Variants in ACVR1 observed in about 807,000 individuals in gnomAD.
ACVR1 encodes activin receptor type-1.
In ACVR1, 38 loss-of-function variants were observed where a neutral mutation model predicts 57.1. That is an observed-to-expected ratio of 0.67 (90% CI 0.51 to 0.87). The LOEUF (loss-of-function observed/expected upper bound fraction) is 0.87. Among genes scored for constraint, ACVR1 ranks in the 40% least tolerant of loss-of-function variants. The pLI is 0.00. For missense variants in ACVR1, 463 were observed against 638.2 expected, an observed-to-expected ratio of 0.73 and a Z score of 2.96; for synonymous variants, 212 against 228.1, an observed-to-expected ratio of 0.93 and a Z score of 0.63.
chr2:157,760,110 G>A (rs940435806), intron 9 of ACVR1, among the ~76,000 whole-genome samples: 2 of 152,100 alleles, frequency 1.3e-5, no homozygotes, highest in Admixed American at 1.3e-4. Context: ...AATCAAGCAA[G>A]ACAAAGAAAT....
chr2:157,778,467 T>A, intron 4 of ACVR1, 125 bp from the exon 5 acceptor site: 2 of 763,892 alleles, frequency 2.6e-6, no homozygotes, highest in Non-Finnish European at 4.4e-6. Context: ...CACGAAGTAT[T>A]AAAACTAAAA....
intron 3 of ACVR1, among the ~76,000 whole-genome samples, chr2:157,784,643 G>C (rs775280868): frequency 7.9e-5 from 12 of 152,172 alleles, no homozygotes; most frequent in Admixed American, 2.6e-4. Context: ...GGCTGGCTGG[G>C]AACAGCAGGG....
intron 2 of ACVR1, among the ~76,000 whole-genome samples, chr2:157,807,800 C>T (rs1238749253): frequency 7.6e-6 from 1 of 131,240 alleles, no homozygotes; most frequent in African/African-American, 3.0e-5. Context: ...AAGCACTGCT[C>T]ATCTGACACA....
chr2:157,816,550 T>C (rs1034786000), intron 2 of ACVR1, among the ~76,000 whole-genome samples: 21 of 152,062 alleles, frequency 1.4e-4, no homozygotes, highest in East Asian at 3.9e-4. Flanking sequence ...CGTGCCATGA[T>C]TGCATCACTG....
intron 1 of ACVR1, among the ~76,000 whole-genome samples, chr2:157,828,757 TG>T (rs1265082709): frequency 6.8e-6 from 1 of 146,374 alleles, no homozygotes; most frequent in African/African-American, 2.8e-5. Flanking sequence ...ATTAGTTTTT[TG>T]TTTTTTTGTT....
intron 9 of ACVR1, among the ~76,000 whole-genome samples, chr2:157,756,993 TATATATATTTGAG>T (rs1356578795): frequency 2.1e-5 from 3 of 141,436 alleles, no homozygotes; most frequent in African/African-American, 8.1e-5. Context: ...ATATTTGAGA[TATATATATTTGAG>T]ATATATATAT....
chr2:157,754,690 A>G (rs551199121), intron 9 of ACVR1, among the ~76,000 whole-genome samples: 21 of 152,304 alleles, frequency 1.4e-4, no homozygotes, highest in African/African-American at 5.1e-4. Flanking sequence ...TCAAAGAAGA[A>G]TTGGTACCAA....
chr2:157,866,860 G>A (rs1281758418), intron 1 of ACVR1, among the ~76,000 whole-genome samples: 2 of 152,166 alleles, frequency 1.3e-5, no homozygotes, highest in African/African-American at 4.8e-5. Context: ...TTTGTAGCTG[G>A]TTCATTTTAT....
At chr2:157,841,609 G>A (rs547960733) in intron 1 of ACVR1, among the ~76,000 whole-genome samples, 5 of 152,288 alleles carry the variant, frequency 3.3e-5, no homozygotes, top group African/African-American at 1.2e-4. Context: ...GAAGGCTAAG[G>A]CAAAAGGATT....
chr2:157,847,604 G>A lies in ACVR1; in HGVS notation c.-183+28192C>T, dbSNP rs372755328. Among the ~76,000 whole-genome samples, 103 of 152,198 alleles carry A rather than the reference G, an allele frequency of 6.8e-4. No homozygotes were observed. The South Asian group carries it at 0.02, about 30-fold the overall frequency. On this transcript the variant is annotated intron_variant, in intron 1 of 10. Transcript: ENST00000434821. ...GACTCAGTTTGATATTGAATGTTCC[G>A]TTCAAAAAACCTACCTGCTATGAGA... is the stretch of plus-strand genomic sequence containing the variant.
At chr2:157,796,942 A>G (rs1574076207) in intron 3 of ACVR1, among the ~76,000 whole-genome samples, 1 of 152,180 alleles carries the variant, frequency 6.6e-6, no homozygotes, top group African/African-American at 2.4e-5. Context: ...ATCTTTAACA[A>G]CACTGCTTAG....
chr2:157,799,595 C>T, intron 2 of ACVR1, 95 bp from the exon 3 acceptor site: 1 of 897,234 alleles, frequency 1.1e-6, no homozygotes, highest in South Asian at 1.4e-5. Context: ...CATTCAAGGC[C>T]CTTCTTACTA....
At chr2:157,856,534 A>G (rs1468597173) in intron 1 of ACVR1, among the ~76,000 whole-genome samples, 1 of 152,152 alleles carries the variant, frequency 6.6e-6, no homozygotes, top group Non-Finnish European at 1.5e-5. Context: ...CACCTCCCTC[A>G]ATTCAAACTA....
chr2:157,794,402 G>A (rs1267916009), intron 3 of ACVR1, among the ~76,000 whole-genome samples: 2 of 152,026 alleles, frequency 1.3e-5, no homozygotes, highest in Admixed American at 1.3e-4. Flanking sequence ...CAGGTGAAGG[G>A]GCCTCATCAT....
intron 1 of ACVR1, among the ~76,000 whole-genome samples, chr2:157,872,762 T>C (rs1460467563): frequency 1.3e-5 from 2 of 152,228 alleles, no homozygotes; most frequent in Admixed American, 1.3e-4. Context: ...GTTATGTGTT[T>C]AATTTTCTTT....
At chr2:157,859,503 G>A (rs1418666545) in intron 1 of ACVR1, among the ~76,000 whole-genome samples, 3 of 152,000 alleles carry the variant, frequency 2.0e-5, no homozygotes, top group African/African-American at 4.8e-5. Flanking sequence ...CTATGGACTC[G>A]CCTCCAATTT....
At chr2:157,746,286 C>T (rs771644166) in intron 9 of ACVR1, among the ~76,000 whole-genome samples, 1 of 152,192 alleles carries the variant, frequency 6.6e-6, no homozygotes, top group African/African-American at 2.4e-5. Flanking sequence ...TTTACATATA[C>T]GATCTCATTT....
intron 5 of ACVR1, among the ~76,000 whole-genome samples, chr2:157,777,123 T>C (rs978889176): frequency 7.2e-5 from 11 of 152,226 alleles, no homozygotes; most frequent in Admixed American, 1.3e-4. Context: ...AGTGATACCC[T>C]TTCCCCACTT....
rs138118798 is a variant in ACVR1, at chr2:157,747,359, C to T, written c.1265-8789G>A. On this transcript the variant is annotated intron_variant, in intron 9 of 10. Transcript: ENST00000434821. ...GTCTACTTATTTTCAGATTAAGAATCATTTCCCTGAACGAAATCATCATGT... is the reference window on the plus strand; with the variant it reads ...GTCTACTTATTTTCAGATTAAGAATTATTTCCCTGAACGAAATCATCATGT... Among the ~76,000 whole-genome samples the T allele has an allele frequency of 2.2e-4, 33 of 152,250 alleles. 1 individual carries two copies. In the East Asian group the frequency reaches 6.2e-3, roughly 28 times the overall value.
Sources: gnomAD v4.1 joint callset for allele counts (sites outside exome capture counted in the v4.1 genomes callset) on GRCh38, gnomAD v4.1.1 for gene constraint, MANE v1.5 for transcripts, NCBI Gene and HGNC (gene_info 2026-07-23, HGNC 2026-07-21) for gene names.